The following IFT88 variants were observed in gnomAD, a reference collection of about 807,000 sequenced individuals.
The protein encoded by IFT88 is intraflagellar transport 88.
In IFT88, 74 loss-of-function variants were observed where a neutral mutation model predicts 119.5. The observed-to-expected ratio is 0.62, with a 90% CI of 0.51 to 0.75. The LOEUF is 0.75. Ranked by LOEUF, IFT88 falls within the 30% of genes least tolerant of loss-of-function variation. The pLI, the probability that IFT88 is intolerant of heterozygous loss-of-function variation, is 0.00. For missense variants in IFT88, 961 were observed against 977.7 expected (o/e 0.98, Z 0.23); for synonymous variants, 279 against 316.7 (o/e 0.88, Z 1.26).
chr13:20,627,294 A>G (rs1461216365), intron 15 of IFT88, among the ~76,000 whole-genome samples: 1 of 152,198 alleles, frequency 6.6e-6, no homozygotes, highest in African/African-American at 2.4e-5. Context: ...ACGTGAATCA[A>G]ATTGGTTTTT....
intron 20 of IFT88, among the ~76,000 whole-genome samples, chr13:20,648,643 A>G (rs2051110506): frequency 6.6e-6 from 1 of 152,190 alleles, no homozygotes. Context: ...ACATGCAGAA[A>G]ACAAATAGCA....
At chr13:20,586,105 A>G (rs774067764) in intron 3 of IFT88, among the ~76,000 whole-genome samples, 49 of 152,344 alleles carry the variant, frequency 3.2e-4, no homozygotes, top group Middle Eastern at 3.4e-3. Flanking sequence ...ATCTTTAGAA[A>G]TGACTTTGGA....
chr13:20,589,915 T>G, intron 4 of IFT88, 48 bp downstream of exon 4: 1 of 1,089,480 alleles, frequency 9.2e-7, no homozygotes, highest in South Asian at 1.4e-5. Flanking sequence ...TCTCATACAA[T>G]AGTTCACTTT....
intron 3 of IFT88, among the ~76,000 whole-genome samples, chr13:20,588,763 T>C (rs534324731): frequency 2.0e-5 from 3 of 152,210 alleles, no homozygotes; most frequent in Admixed American, 2.0e-4. Context: ...CTTTTACTTA[T>C]GGTACTAGCA....
rs191193932 is a variant in IFT88, at chr13:20,653,850, T to C, written c.1950-26T>C. On this transcript the variant is annotated intron_variant, in intron 20 of 25. Coordinates refer to ENST00000351808, the MANE Select transcript of IFT88 (RefSeq NM_006531.5). ...GCATCACAGATTTTTTTATCTCTAA[T>C]TTCATCTCATTTATTTATTTTATAG... 9.7e-5 allele frequency: 135 copies of C among 1,388,364 alleles called. No homozygotes were observed. The African/African-American group carries it at 1.7e-3, about 17-fold the overall frequency. The allele number at this position is 1,388,364 out of a possible 1,614,324, so 86.0% of individuals were successfully genotyped here.
At chr13:20,637,759 CAA>C (rs1566297613) in intron 16 of IFT88, among the ~76,000 whole-genome samples, 1 of 152,096 alleles carries the variant, frequency 6.6e-6, no homozygotes, top group Non-Finnish European at 1.5e-5. Context: ...CAAGTCTAGA[CAA>C]GAGGCTAATA....
At chr13:20,618,212 G>A (rs1025547589) in intron 14 of IFT88, among the ~76,000 whole-genome samples, 3 of 152,180 alleles carry the variant, frequency 2.0e-5, no homozygotes, top group Non-Finnish European at 4.4e-5. Flanking sequence ...GAGCCACTGC[G>A]CCTGGCCGGA....
chr13:20,584,188 A>T (rs905508670), intron 3 of IFT88, among the ~76,000 whole-genome samples: 1 of 151,352 alleles, frequency 6.6e-6, no homozygotes, highest in Non-Finnish European at 1.5e-5. Flanking sequence ...GATAGTAAGG[A>T]TTTGATAAGG....
rs2058440855 is a variant in IFT88, at chr13:20,691,287, TAAGTAA to T, written c.*113_*118del. 1 of 976,804 alleles carries T rather than the reference TAAGTAA, an allele frequency of 1.0e-6. No individual in the cohort carries two copies. Among genetic ancestry groups the T allele is most frequent in the African/African-American group, 1.6e-5 (1 of 60,672 alleles). 60.5% of individuals were successfully genotyped at this position (976,804 alleles called of 1,614,324 possible). A position where few individuals can be genotyped will look rare whatever the true frequency, so the allele number is the denominator to read the frequency against. On this transcript the variant is annotated 3_prime_UTR_variant, in exon 26 of 26. Coordinates refer to ENST00000351808, the MANE Select transcript of IFT88 (RefSeq NM_006531.5). ...ATTATTTTTTTTCACTGTCAAAACT[TAAGTAA>T]GTGTATTCTATTCTGTATGTATGCA...
At chr13:20,628,213 CAAGAAA>C (rs1459608520) in intron 15 of IFT88, among the ~76,000 whole-genome samples, 1 of 149,764 alleles carries the variant, frequency 6.7e-6, no homozygotes, top group African/African-American at 2.5e-5. Context: ...TTTTTTTTTC[CAAGAAA>C]AAGATGCTGA....
At chr13:20,625,967 A>G (rs2047229112) in intron 15 of IFT88, 118 bp downstream of exon 15, 2 of 364,020 alleles carry the variant, frequency 5.5e-6, no homozygotes, top group African/African-American at 2.3e-5. Flanking sequence ...GTTGAATAAT[A>G]TTTTTATTTC....
At chr13:20,645,890 T>C (rs2050672969) in intron 20 of IFT88, among the ~76,000 whole-genome samples, 1 of 152,250 alleles carries the variant, frequency 6.6e-6, no homozygotes, top group African/African-American at 2.4e-5. Flanking sequence ...TTATTTCACA[T>C]AAATTTCTTT....
intron 24 of IFT88, among the ~76,000 whole-genome samples, chr13:20,684,845 C>G (rs1323249560): frequency 2.6e-5 from 4 of 152,248 alleles, no homozygotes; most frequent in Non-Finnish European, 5.9e-5. Flanking sequence ...GTTCCACGTT[C>G]TCCAACTGTC....
At position 20,639,786 on chromosome 13, in the gene IFT88, CT is replaced by C. The variant is rs34190452; in HGVS notation, c.1573+1288del. ...TTATTATTGATATAGTAAAATTTGT[CT>C]TTTTTTTTTTTTTTTTTTTGAGACT... On this transcript the variant is annotated intron_variant, in intron 17 of 25. Coordinates refer to ENST00000351808, the MANE Select transcript of IFT88 (RefSeq NM_006531.5). Among the ~76,000 whole-genome samples, 1,054 of 109,424 alleles carry C rather than the reference CT, an allele frequency of 9.6e-3. 2 individuals carry two copies. The highest frequency in any genetic ancestry group is 0.029 in the African/African-American group (857 of 29,718). 71.8% of individuals were successfully genotyped at this position (109,424 alleles called of 152,430 possible).
intron 16 of IFT88, among the ~76,000 whole-genome samples, chr13:20,635,065 T>C (rs2140177255): frequency 6.6e-6 from 1 of 151,372 alleles, no homozygotes; most frequent in South Asian, 2.1e-4. Flanking sequence ...TTTTTTGTCC[T>C]GGCAATAGTT....
rs979963727 is a variant in IFT88 at position 20,602,873 on chromosome 13, ACT to A, written c.1041+943_1041+944del. Among the ~76,000 whole-genome samples, 7 of 151,092 alleles carry A rather than the reference ACT, an allele frequency of 4.6e-5. No individual in the cohort carries two copies. In the South Asian group the frequency reaches 8.4e-4, roughly 18 times the overall value. On this transcript the variant is annotated intron_variant, in intron 12 of 25. Coordinates refer to ENST00000351808, the MANE Select transcript of IFT88 (RefSeq NM_006531.5). ...ACTCCATCCTGGGTGACAGAGCAAG[ACT>A]CTGTCTTGAAAAAAAAAAAGTGAAA... is the stretch of plus-strand genomic sequence containing the variant.
chr13:20,601,217 T>C (rs2042545621), intron 11 of IFT88, among the ~76,000 whole-genome samples: 1 of 152,068 alleles, frequency 6.6e-6, no homozygotes, highest in South Asian at 2.1e-4. Context: ...CATACAAAAA[T>C]TAGCCCGGCG....
At chr13:20,615,209 A>G (rs1487887302) in intron 13 of IFT88, among the ~76,000 whole-genome samples, 3 of 152,188 alleles carry the variant, frequency 2.0e-5, no homozygotes, top group Non-Finnish European at 4.4e-5. Context: ...ACCACTACTT[A>G]TATATAAATT....
chr13:20,603,317 G>T lies in IFT88; in HGVS notation c.1041+1384G>T, dbSNP rs559411520. Among the ~76,000 whole-genome samples the T allele has an allele frequency of 4.0e-5, 6 of 151,446 alleles. No individual in the cohort carries two copies. In the East Asian group the frequency reaches 9.8e-4, roughly 25 times the overall value. On this transcript the variant is annotated intron_variant, in intron 12 of 25. Coordinates refer to ENST00000351808, the MANE Select transcript of IFT88 (RefSeq NM_006531.5). ...GCAGGAGAATCACTTGAACCCGGAA[G>T]GTGGAGGTTGCAGGAGCCGAGATCG... is the stretch of plus-strand genomic sequence containing the variant.
Sources: allele counts gnomAD v4.1 joint callset (sites outside exome capture counted in the v4.1 genomes callset), GRCh38; gene constraint gnomAD v4.1.1; transcripts MANE v1.5; gene names NCBI Gene and HGNC (gene_info 2026-07-23, HGNC 2026-07-21).